The following ETV6 variants were observed in gnomAD, a reference collection of about 807,000 sequenced individuals.
ETV6 encodes transcription factor ETV6.
In ETV6, 16 loss-of-function variants were observed where a neutral mutation model predicts 51.1. The observed-to-expected ratio is 0.31, with a 90% confidence interval of 0.21 to 0.48. The LOEUF is 0.48. ETV6 is among the 20% of genes least tolerant of loss of function. The probability of loss-of-function intolerance (pLI) is 0.99; values close to 1 mark genes in which losing one functional copy is unlikely to be tolerated. For missense variants in ETV6, 458 were observed against 594.8 expected, an observed-to-expected ratio of 0.77 and a Z score of 2.39; for synonymous variants, 240 against 224.1, an observed-to-expected ratio of 1.07 and a Z score of -0.64.
intron 3 of ETV6, among the ~76,000 whole-genome samples, chr12:11,841,818 C>T (rs533437784): frequency 4.5e-3 from 680 of 152,180 alleles, no homozygotes; most frequent in Non-Finnish European, 7.9e-3. Flanking sequence ...CGCGGTGGCT[C>T]ACGCCTGTAA....
At chr12:11,876,566 T>C (rs2136563586) in intron 5 of ETV6, among the ~76,000 whole-genome samples, 1 of 152,320 alleles carries the variant, frequency 6.6e-6, no homozygotes, top group South Asian at 2.1e-4. Flanking sequence ...TTGGCCTTAA[T>C]CCAAAACTCT....
At chr12:11,706,000 CT>C (rs1865066776) in intron 1 of ETV6, among the ~76,000 whole-genome samples, 1 of 152,262 alleles carries the variant, frequency 6.6e-6, no homozygotes, top group African/African-American at 2.4e-5. Flanking sequence ...GGGTCACCCC[CT>C]GAACTTTGAT....
intron 1 of ETV6, among the ~76,000 whole-genome samples, chr12:11,684,269 G>A (rs927249618): frequency 5.9e-5 from 9 of 152,210 alleles, no homozygotes; most frequent in African/African-American, 1.9e-4. Context: ...CTAACAATCC[G>A]CTTCTGCCCT....
chr12:11,660,271 A>G (rs541965052), intron 1 of ETV6, among the ~76,000 whole-genome samples: 115 of 152,320 alleles, frequency 7.5e-4, no homozygotes, highest in African/African-American at 2.6e-3. Flanking sequence ...GTAGATCTGC[A>G]CTAGGGTATA....
chr12:11,676,537 C>T (rs1864424868), intron 1 of ETV6, among the ~76,000 whole-genome samples: 1 of 152,206 alleles, frequency 6.6e-6, no homozygotes, highest in Non-Finnish European at 1.5e-5. Context: ...GGCCTTTGCC[C>T]ATGCCACTCC....
At chr12:11,840,821 A>C (rs748083704) in intron 3 of ETV6, 22 of 242,302 alleles carry the variant, frequency 9.1e-5, no homozygotes, top group Non-Finnish European at 1.8e-4. Flanking sequence ...TAATCTCACA[A>C]TAAGAAAACT....
intron 1 of ETV6, among the ~76,000 whole-genome samples, chr12:11,683,766 C>G (rs544507609): frequency 9.6e-4 from 146 of 152,296 alleles, no homozygotes; most frequent in African/African-American, 3.1e-3. Flanking sequence ...GCTGTAAACT[C>G]AGAAACAGAT....
Position 11,891,762 on chromosome 12 carries a change from A to G in ETV6, c.*716A>G. 1 of 380,890 alleles carries G rather than the reference A, an allele frequency of 2.6e-6. No homozygotes were observed. Among genetic ancestry groups the G allele is most frequent in the Non-Finnish European group, 5.1e-6 (1 of 197,720 alleles). The allele number at this position is 380,890 out of a possible 1,614,324, so 23.6% of individuals were successfully genotyped here. ...TTCAGCCTCTTGGAGAGTCTTGGGG[A>G]TTGTTGGCACCTAAACAGAATCAGT... is the stretch of plus-strand genomic sequence containing the variant. On this transcript the variant is annotated 3_prime_UTR_variant, in exon 8 of 8. Coordinates refer to ENST00000396373, the MANE Select transcript of ETV6 (RefSeq NM_001987.5).
At chr12:11,716,297 C>T (rs887375297) in intron 1 of ETV6, among the ~76,000 whole-genome samples, 3 of 126,808 alleles carry the variant, frequency 2.4e-5, no homozygotes, top group Admixed American at 9.9e-5. Context: ...TGCCACTGCA[C>T]TCCAGCCTGG....
rs148109651 is a variant in ETV6 at position 11,868,211 on chromosome 12, G to C, written c.464-1213G>C. 1.5e-3 allele frequency among the ~76,000 whole-genome samples: 225 copies of C among 152,260 alleles called. 1 individual carries two copies. Among genetic ancestry groups the C allele is most frequent in the African/African-American group, 5.2e-3 (218 of 41,554 alleles). ...AGAGCAGGTTTTGGTGTGACTTTGT[G>C]TCATAGTTTCTATATTGCAGTGACA... On this transcript the variant is annotated intron_variant, in intron 4 of 7. Transcript: ENST00000396373.
At chr12:11,751,294 A>C in intron 1 of ETV6, 2 of 517,202 alleles carry the variant, frequency 3.9e-6, no homozygotes, top group Admixed American at 3.9e-5. Context: ...TCCAAAACGT[A>C]AACACTGCCT....
intron 5 of ETV6, among the ~76,000 whole-genome samples, chr12:11,879,499 C>A (rs1054832286): frequency 6.6e-6 from 1 of 152,132 alleles, no homozygotes; most frequent in Non-Finnish European, 1.5e-5. Flanking sequence ...AAGAGACAGA[C>A]GTGGGAGTGA....
chr12:11,886,632 A>G (rs1366147548), intron 7 of ETV6, among the ~76,000 whole-genome samples: 2 of 152,226 alleles, frequency 1.3e-5, no homozygotes, highest in African/African-American at 4.8e-5. Flanking sequence ...TCGTAGTCAG[A>G]ATAAGTCTAC....
chr12:11,762,605 C>T (rs979859293), intron 2 of ETV6, among the ~76,000 whole-genome samples: 1 of 152,198 alleles, frequency 6.6e-6, no homozygotes, highest in African/African-American at 2.4e-5. Context: ...CTTTCAGCTT[C>T]TAAAGTGAAG....
chr12:11,801,990 G>T (rs1465430263), intron 2 of ETV6, among the ~76,000 whole-genome samples: 1 of 152,188 alleles, frequency 6.6e-6, no homozygotes. Flanking sequence ...TCCTTCGGTG[G>T]GGCACTGAAG....
At chr12:11,650,588 A>G (rs775618993) in intron 1 of ETV6, among the ~76,000 whole-genome samples, 3 of 151,672 alleles carry the variant, frequency 2.0e-5, no homozygotes, top group Non-Finnish European at 4.4e-5. Flanking sequence ...TCGTCTTAGA[A>G]AAAAAGTTGT....
intron 2 of ETV6, among the ~76,000 whole-genome samples, chr12:11,797,621 G>A (rs537859614): frequency 5.9e-5 from 9 of 152,266 alleles, no homozygotes; most frequent in South Asian, 2.1e-4. Flanking sequence ...ACTCAATACT[G>A]GTTCCCTGAA....
chr12:11,849,918 G>A (rs1339640894), intron 3 of ETV6, among the ~76,000 whole-genome samples: 1 of 152,136 alleles, frequency 6.6e-6, no homozygotes, highest in Non-Finnish European at 1.5e-5. Context: ...GTCCCCGTCC[G>A]CATGGTGGTG....
chr12:11,669,381 C>CCTCCCTCCCTCCCTCCCTCCTTT lies in ETV6; in HGVS notation c.33+19222_33+19223insTCCCTCCCTCCCTCCCTCCTTTC, dbSNP rs1864264169. On this transcript the variant is annotated intron_variant, in intron 1 of 7. Transcript: ENST00000396373. ...GTCCTCCCTTCCTCCCTTCCTCCCT[C>CCTCCCTCCCTCCCTCCCTCCTTT]CCTCCCTCCCTCCTTTCCTCCTTTC... 1.4e-4 allele frequency among the ~76,000 whole-genome samples: 4 copies of CCTCCCTCCCTCCCTCCCTCCTTT among 28,172 alleles called. No individual in the cohort carries two copies. In the South Asian group the frequency reaches 8.8e-3, roughly 62 times the overall value. The allele number at this position is 28,172 out of a possible 152,430, so 18.5% of individuals were successfully genotyped here. A position where few individuals can be genotyped will look rare whatever the true frequency, so the allele number is the denominator to read the frequency against.
Sources: allele counts gnomAD v4.1 joint callset (sites outside exome capture counted in the v4.1 genomes callset), GRCh38; gene constraint gnomAD v4.1.1; transcripts MANE v1.5; gene names NCBI Gene and HGNC (gene_info 2026-07-23, HGNC 2026-07-21).